MAP2: variants seen among roughly 807,000 people sequenced by gnomAD.
MAP2 encodes the protein microtubule-associated protein 2.
Under a neutral mutation model 137.6 loss-of-function variants are expected in MAP2, and 14 were observed. The ratio of observed to expected loss-of-function variants is 0.10; its 90% confidence interval spans 0.07 to 0.16. The LOEUF is 0.16. MAP2 is among the 10% of genes least tolerant of loss of function. The probability of loss-of-function intolerance (pLI) is 1.00; values close to 1 mark genes in which losing one functional copy is unlikely to be tolerated. For missense variants in MAP2, 2,088 were observed against 2,191.5 expected (o/e 0.95, Z 0.94); for synonymous variants, 786 against 782.3 (o/e 1.00, Z -0.08).
intron 13 of MAP2, among the ~76,000 whole-genome samples, chr2:209,724,703 T>G (rs577277629): frequency 5.3e-5 from 8 of 152,332 alleles, no homozygotes; most frequent in Non-Finnish European, 1.2e-4. Flanking sequence ...ATAGCAATGT[T>G]TGCTGGCCCC....
At chr2:209,702,999 A>C (rs2062216210) in intron 11 of MAP2, among the ~76,000 whole-genome samples, 1 of 152,132 alleles carries the variant, frequency 6.6e-6, no homozygotes, top group South Asian at 2.1e-4. Context: ...GACATATGGC[A>C]CGCTGGCATA....
At chr2:209,505,636 T>TTTGAGACCAGCCTGGGGAACATGGTGAA (rs1559249297) in intron 1 of MAP2, among the ~76,000 whole-genome samples, 2 of 149,176 alleles carry the variant, frequency 1.3e-5, no homozygotes, top group African/African-American at 5.2e-5. Context: ...GCCTAATGGA[T>TTTGAGACCAGCCTGGGGAACATGGTGAA]ACTGCTGTGG....
chr2:209,451,981 C>CT (rs970712070), intron 1 of MAP2, among the ~76,000 whole-genome samples: 7 of 152,140 alleles, frequency 4.6e-5, no homozygotes, highest in African/African-American at 1.7e-4. Flanking sequence ...GCCTAGAACT[C>CT]TGTTTTTCAT....
At chr2:209,426,915 T>C (rs967256033) in intron 1 of MAP2, among the ~76,000 whole-genome samples, 1 of 152,224 alleles carries the variant, frequency 6.6e-6, no homozygotes, top group Non-Finnish European at 1.5e-5. Context: ...AAGAAAAATG[T>C]TGGTGTATTT....
At chr2:209,702,705 C>T (rs73074705) in intron 11 of MAP2, among the ~76,000 whole-genome samples, 2,549 of 151,948 alleles carry the variant, frequency 0.017, 77 homozygotes, top group African/African-American at 0.058. Flanking sequence ...TTCTATATCA[C>T]GCTTTTGAAA....
At chr2:209,505,451 T>G (rs2060914777) in intron 1 of MAP2, among the ~76,000 whole-genome samples, 1 of 152,180 alleles carries the variant, frequency 6.6e-6, no homozygotes, top group Admixed American at 6.5e-5. Flanking sequence ...TTCCTTTAAT[T>G]TTTTTATGGA....
intron 3 of MAP2, among the ~76,000 whole-genome samples, chr2:209,621,874 C>A (rs2091292568): frequency 6.6e-6 from 1 of 152,178 alleles, no homozygotes; most frequent in Non-Finnish European, 1.5e-5. Flanking sequence ...AAGCACATTG[C>A]ATGCATATCT....
At chr2:209,568,555 C>G (rs551723738) in intron 2 of MAP2, among the ~76,000 whole-genome samples, 9 of 151,982 alleles carry the variant, frequency 5.9e-5, no homozygotes, top group African/African-American at 2.2e-4. Context: ...ACTGAAGGAA[C>G]AAGAGAGGTT....
chr2:209,526,998 T>C (rs1347391878), intron 2 of MAP2, among the ~76,000 whole-genome samples: 1 of 152,154 alleles, frequency 6.6e-6, no homozygotes, highest in Non-Finnish European at 1.5e-5. Flanking sequence ...CTTGTGAATA[T>C]ATGAATAGGA....
chr2:209,520,048 G>T (rs1291379660), intron 2 of MAP2, among the ~76,000 whole-genome samples: 2 of 152,010 alleles, frequency 1.3e-5, no homozygotes, highest in African/African-American at 4.8e-5. Flanking sequence ...AACTTAAACT[G>T]CTCAACTACT....
At chr2:209,653,821 G>A (rs915576944) in intron 5 of MAP2, among the ~76,000 whole-genome samples, 8 of 152,054 alleles carry the variant, frequency 5.3e-5, no homozygotes, top group African/African-American at 1.9e-4. Context: ...GCAGAAAAAA[G>A]CAAAATACGT....
intron 5 of MAP2, among the ~76,000 whole-genome samples, chr2:209,662,278 T>A (rs147442987): frequency 7.4e-4 from 113 of 152,356 alleles, no homozygotes; most frequent in African/African-American, 2.6e-3. Flanking sequence ...ATTCCTCCCA[T>A]GCACTGTGGA....
At chr2:209,649,180 T>TA (rs1030638444) in intron 4 of MAP2, among the ~76,000 whole-genome samples, 2 of 148,156 alleles carry the variant, frequency 1.3e-5, no homozygotes, top group Non-Finnish European at 3.0e-5. Context: ...CCCAGCTAAT[T>TA]AAAAAAAAAT....
At chr2:209,546,851 G>A (rs2068176136) in intron 2 of MAP2, among the ~76,000 whole-genome samples, 1 of 151,946 alleles carries the variant, frequency 6.6e-6, no homozygotes. Flanking sequence ...TTTTCCACTG[G>A]TATTGTCTTT....
intron 4 of MAP2, among the ~76,000 whole-genome samples, chr2:209,636,266 C>G (rs901841907): frequency 6.6e-6 from 1 of 152,086 alleles, no homozygotes; most frequent in Non-Finnish European, 1.5e-5. Flanking sequence ...GTGAACAGAG[C>G]TCTAGGAAAG....
intron 13 of MAP2, among the ~76,000 whole-genome samples, chr2:209,719,373 T>C (rs1450023990): frequency 6.6e-6 from 1 of 152,194 alleles, no homozygotes; most frequent in African/African-American, 2.4e-5. Flanking sequence ...AGTGTTAGAG[T>C]CAATTTAAAA....
chr2:209,614,156 C>T (rs2088121546), intron 3 of MAP2, among the ~76,000 whole-genome samples: 1 of 152,098 alleles, frequency 6.6e-6, no homozygotes, highest in South Asian at 2.1e-4. Context: ...CTGCACTCCT[C>T]CTTCCTCCAT....
intron 1 of MAP2, among the ~76,000 whole-genome samples, chr2:209,437,192 G>A (rs1404665351): frequency 6.6e-6 from 1 of 151,612 alleles, no homozygotes. Context: ...TAAAAAAAAT[G>A]GGGTGGATTT....
At chr2:209,475,185 C>A (rs1706879373) in intron 1 of MAP2, among the ~76,000 whole-genome samples, 1 of 152,012 alleles carries the variant, frequency 6.6e-6, no homozygotes, top group African/African-American at 2.4e-5. Flanking sequence ...TGGTAACATC[C>A]TACTGTGTGT....
Sources: gnomAD v4.1 joint callset for allele counts (sites outside exome capture counted in the v4.1 genomes callset) on GRCh38, gnomAD v4.1.1 for gene constraint, MANE v1.5 for transcripts, NCBI Gene and HGNC (gene_info 2026-07-23, HGNC 2026-07-21) for gene names.